JCAD: variants seen among roughly 807,000 people sequenced by gnomAD.
The protein encoded by JCAD is junctional cadherin 5-associated protein.
Under a neutral mutation model 98.0 loss-of-function variants are expected in JCAD, and 40 were observed. The ratio of observed to expected loss-of-function variants is 0.41; its 90% CI spans 0.32 to 0.53. The LOEUF is 0.53. Ranked by LOEUF, JCAD falls within the 20% of genes least tolerant of loss-of-function variation. The pLI is 0.31. For synonymous variants in JCAD, 691 were observed against 682.3 expected, an observed-to-expected ratio of 1.01 and a Z score of -0.20; for missense variants, 1,705 against 1,738.1, an observed-to-expected ratio of 0.98 and a Z score of 0.34.
chr10:30,050,314 C>CAAAAAA (rs61421356), intron 1 of JCAD, among the ~76,000 whole-genome samples: 7 of 41,746 alleles, frequency 1.7e-4, no homozygotes, highest in Admixed American at 6.8e-4. Context: ...GACCCTGTCT[C>CAAAAAA]AAAAAAAAAA....
At chr10:30,036,420 G>C (rs1837110636) in intron 2 of JCAD, among the ~76,000 whole-genome samples, 1 of 151,434 alleles carries the variant, frequency 6.6e-6, no homozygotes, top group Admixed American at 6.6e-5. Flanking sequence ...CTGCACTCCA[G>C]CCTGGGCAGT....
intron 1 of JCAD, among the ~76,000 whole-genome samples, chr10:30,110,350 C>A (rs1396622272): frequency 6.6e-6 from 1 of 151,382 alleles, no homozygotes; most frequent in Non-Finnish European, 1.5e-5. Flanking sequence ...TGTATGGACT[C>A]CCTGATATAT....
chr10:30,092,053 A>T (rs1589715307), intron 1 of JCAD, among the ~76,000 whole-genome samples: 3 of 27,558 alleles, frequency 1.1e-4, no homozygotes, highest in Non-Finnish European at 2.0e-4. Flanking sequence ...AAAAAAAAAA[A>T]AAAAAAAAAA....
At chr10:30,058,743 G>A (rs974828391) in intron 1 of JCAD, among the ~76,000 whole-genome samples, 14 of 152,214 alleles carry the variant, frequency 9.2e-5, no homozygotes, top group African/African-American at 3.4e-4. Flanking sequence ...TAGGAGGGCG[G>A]GTTCCAGATC....
chr10:30,067,318 C>A (rs116307220), intron 2 of JCAD, among the ~76,000 whole-genome samples: 2 of 151,596 alleles, frequency 1.3e-5, no homozygotes, highest in Non-Finnish European at 2.9e-5. Context: ...TGAGAACTAC[C>A]TTTTTTCTGT....
intron 1 of JCAD, among the ~76,000 whole-genome samples, chr10:30,103,266 G>A (rs1838501154): frequency 6.6e-6 from 1 of 152,140 alleles, no homozygotes; most frequent in African/African-American, 2.4e-5. Flanking sequence ...CAGTGAACAT[G>A]GGAGTAAAGC....
At chr10:30,050,314 C>CAAAAAAAAAA (rs61421356) in intron 1 of JCAD, among the ~76,000 whole-genome samples, 8 of 41,760 alleles carry the variant, frequency 1.9e-4, no homozygotes, top group African/African-American at 2.2e-4. Flanking sequence ...GACCCTGTCT[C>CAAAAAAAAAA]AAAAAAAAAA....
intron 2 of JCAD, among the ~76,000 whole-genome samples, chr10:30,037,993 G>GCCA (rs1258100619): frequency 6.7e-6 from 1 of 149,158 alleles, no homozygotes; most frequent in African/African-American, 2.5e-5. Flanking sequence ...AACCTGGCCA[G>GCCA]CCACAAGACC....
rs1836518626 is a variant in JCAD at position 30,015,760 on chromosome 10, G to C, written c.*2123C>G. ...AAATCAGAACGGAGTTCATATACAT[G>C]TATGGGTATGTGTGCATACATGTAC... On this transcript the variant is annotated 3_prime_UTR_variant, in exon 4 of 4. Coordinates refer to ENST00000375377, the MANE Select transcript of JCAD (RefSeq NM_020848.4). 6.6e-6 allele frequency: 1 copy of C among 152,176 alleles called. No individual in the cohort carries two copies. The highest frequency in any genetic ancestry group is 2.4e-5 in the African/African-American group (1 of 41,442). 9.4% of individuals were successfully genotyped at this position (152,176 alleles called of 1,614,324 possible). A position where few individuals can be genotyped will look rare whatever the true frequency, so the allele number is the denominator to read the frequency against.
chr10:30,046,612 C>CA lies in JCAD; in HGVS notation c.281+919dup, dbSNP rs1366696866. Among the ~76,000 whole-genome samples the CA allele has an allele frequency of 2.6e-5, 4 of 152,276 alleles. No homozygotes were observed. The East Asian group carries it at 7.7e-4, about 29-fold the overall frequency. On this transcript the variant is annotated intron_variant, in intron 2 of 3. Coordinates refer to ENST00000375377, the MANE Select transcript of JCAD (RefSeq NM_020848.4). ...GTGCGTGGTTGTGAAATAGCTTTTACAAAGTTCTAAAATGACTCCTATCTG... is the reference window on the plus strand; with the variant it reads ...GTGCGTGGTTGTGAAATAGCTTTTACAAAAGTTCTAAAATGACTCCTATCTG...
chr10:30,029,752 T>C lies in JCAD; in HGVS notation c.396A>G (p.Glu132=), dbSNP rs1198731223. 4.3e-6 allele frequency: 7 copies of C among 1,614,270 alleles called. No homozygotes were observed. The highest frequency in any genetic ancestry group is 1.1e-5 in the South Asian group (1 of 91,086). Residue 132 remains glutamate (E), a synonymous_variant, in exon 3 of 4, where the codon GAA becomes GAG. Transcript: ENST00000375377. Reference sequence around the variant, plus strand: ...GGGCCATTCCTCTGGCCTCCAGGTTTTCGTGCTCCCTCGGCTTCTGGCTCC... The same window carrying C: ...GGGCCATTCCTCTGGCCTCCAGGTTCTCGTGCTCCCTCGGCTTCTGGCTCC... ...EARSQKPREH[E]NLEARGMAQA... is the part of the protein sequence containing the mutation.
At position 30,028,277 on chromosome 10, in the gene JCAD, A is replaced by T. The variant is rs1189934341; in HGVS notation, c.1871T>A (p.Leu624Gln). The T allele has an allele frequency of 6.2e-7, 1 of 1,614,232 alleles. No homozygotes were observed. The highest frequency in any genetic ancestry group is 8.5e-7 in the Non-Finnish European group (1 of 1,180,048). Residue 624 changes from leucine (L) to glutamine (Q), a missense_variant, in exon 3 of 4, where the codon CTG (leucine) becomes CAG (glutamine). Around this residue, in one of 3 missense-constraint regions of JCAD, gnomAD observed 1,278 missense variants for 1,243.1 expected, o/e 1.03. Transcript: ENST00000375377. ...DKSPALQEQSLLSMSSTDLEL... is the reference protein window; with the variant it reads ...DKSPALQEQSQLSMSSTDLEL... ...CAGGTCGGTGGAAGACATGCTCAGC[A>T]GACTCTGTTCTTGCAGAGCCGGGCT...
intron 1 of JCAD, 139 bp from the exon 2 acceptor site, chr10:30,048,010 C>CA (rs1412609297): frequency 3.7e-6 from 2 of 537,584 alleles, no homozygotes; most frequent in Non-Finnish European, 6.5e-6. Context: ...AGAGGGGACA[C>CA]AGGGATGGCT....
chr10:30,114,824 C>CAAATA (rs1838763761), intron 1 of JCAD, among the ~76,000 whole-genome samples: 3 of 67,662 alleles, frequency 4.4e-5, no homozygotes, highest in African/African-American at 1.7e-4. Context: ...ATTTTAAAGC[C>CAAATA]GAATAGATAG....
At chr10:30,093,257 C>G (rs987587282) in intron 1 of JCAD, among the ~76,000 whole-genome samples, 1 of 152,144 alleles carries the variant, frequency 6.6e-6, no homozygotes, top group Non-Finnish European at 1.5e-5. Flanking sequence ...GGAATTGATT[C>G]ACACTGGGTG....
chr10:30,096,791 G>A (rs979005394), intron 1 of JCAD, among the ~76,000 whole-genome samples: 1 of 152,138 alleles, frequency 6.6e-6, no homozygotes, highest in Non-Finnish European at 1.5e-5. Context: ...TCTATTTGGA[G>A]ACAGTGTGGG....
chr10:30,102,583 A>C (rs1180441299), intron 1 of JCAD, among the ~76,000 whole-genome samples: 1 of 152,204 alleles, frequency 6.6e-6, no homozygotes, highest in African/African-American at 2.4e-5. Flanking sequence ...ATACCTGTTA[A>C]ACAACACCTT....
chr10:30,045,615 C>T (rs551814152), intron 2 of JCAD, among the ~76,000 whole-genome samples: 1 of 152,310 alleles, frequency 6.6e-6, no homozygotes, highest in African/African-American at 2.4e-5. Flanking sequence ...GTTATCTGAA[C>T]CCTCAGACAA....
intron 2 of JCAD, among the ~76,000 whole-genome samples, chr10:30,042,591 G>A (rs1225128402): frequency 3.5e-5 from 5 of 142,340 alleles, no homozygotes; most frequent in African/African-American, 6.2e-5. Flanking sequence ...ACAAGTACCC[G>A]GAGACGCACA....
Sources: allele counts gnomAD v4.1 joint callset (sites outside exome capture counted in the v4.1 genomes callset), GRCh38; gene constraint gnomAD v4.1.1; regional missense constraint gnomAD v4.1.1; transcripts MANE v1.5; gene names NCBI Gene and HGNC (gene_info 2026-07-23, HGNC 2026-07-21).